Variants in USP6 observed in about 807,000 individuals in gnomAD.
USP6 encodes the protein ubiquitin specific peptidase 6.
In USP6, 128 loss-of-function variants were observed where a neutral mutation model predicts 175.7. That is an observed-to-expected ratio of 0.73 (90% CI 0.63 to 0.84). The LOEUF (loss-of-function observed/expected upper bound fraction) is 0.84. Ranked by LOEUF, USP6 falls within the 40% of genes least tolerant of loss-of-function variation. The pLI, the probability that USP6 is intolerant of heterozygous loss-of-function variation, is 0.00. For missense variants in USP6, 1,498 were observed against 1,760.3 expected (o/e 0.85, Z 2.67); for synonymous variants, 562 against 630.6 (o/e 0.89, Z 1.63).
At chr17:5,136,501 G>A in intron 17 of USP6, 139 bp from the exon 18 acceptor site, 1 of 1,161,102 alleles carries the variant, frequency 8.6e-7, no homozygotes, top group South Asian at 1.4e-5. Context: ...CAGGGCAAAG[G>A]CCGCATGGTA....
intron 20 of USP6, 92 bp from the exon 21 acceptor site, chr17:5,138,029 C>T: frequency 1.2e-6 from 2 of 1,601,302 alleles, no homozygotes; most frequent in Non-Finnish European, 1.7e-6. Flanking sequence ...AAGGATTCGG[C>T]ACCGCCCAGT....
intron 31 of USP6, among the ~76,000 whole-genome samples, chr17:5,156,410 C>T (rs1402216488): frequency 2.0e-5 from 3 of 151,924 alleles, no homozygotes; most frequent in Non-Finnish European, 2.9e-5. Flanking sequence ...CGGGTTCAAA[C>T]GATTCTCCTG....
chr17:5,169,638 C>T (rs1180196283), intron 35 of USP6, among the ~76,000 whole-genome samples: 3 of 151,952 alleles, frequency 2.0e-5, no homozygotes, highest in African/African-American at 4.8e-5. Flanking sequence ...GATGGTGCTT[C>T]GCCATGTTTC....
In USP6 at chr17:5,132,978, G is replaced by A. The variant is rs2073124225; in HGVS notation, c.264G>A (p.Lys88=). ...TGCTGGGAGAATGGGAGACATATAAGCACAGTAGCAAAGTAATGTGTGGAG... is the reference window on the plus strand; with the variant it reads ...TGCTGGGAGAATGGGAGACATATAAACACAGTAGCAAAGTAATGTGTGGAG... ...MEMLGEWETY[K]HSSKLIDRVY... is the part of the protein sequence containing the mutation. Residue 88 remains lysine (K), a synonymous_variant, in exon 13 of 38, where the codon AAG becomes AAA. Coordinates refer to ENST00000574788, the MANE Select transcript of USP6 (RefSeq NM_001304284.2). The surrounding 1 kb of genome is among the most constrained non-coding windows in gnomAD (Gnocchi z 4.7). 1.9e-6 allele frequency: 3 copies of A among 1,614,042 alleles called. No homozygotes were observed. Among genetic ancestry groups the A allele is most frequent in the Non-Finnish European group, 1.7e-6 (2 of 1,180,020 alleles).
intron 25 of USP6, 114 bp from the exon 26 acceptor site, chr17:5,144,576 A>G: frequency 8.2e-7 from 1 of 1,213,494 alleles, no homozygotes; most frequent in Non-Finnish European, 1.1e-6. Flanking sequence ...ATGGAGGCAG[A>G]CTAAGTACTA....
At position 5,132,440 on chromosome 17, in the gene USP6, G is replaced by C. The variant is rs774593459; in HGVS notation, c.195+5G>C. 6.2e-7 allele frequency: 1 copy of C among 1,612,156 alleles called. No individual in the cohort carries two copies. ...GTGACTGCACGGGAGGCGAAGGTAA[G>C]AGCCTGATGCGTGGAGGGGCTGGTC... On this transcript the variant is annotated splice_donor_5th_base_variant and intron_variant, in intron 12 of 37. Transcript: ENST00000574788. The surrounding 1 kb of genome is among the most constrained non-coding windows in gnomAD (Gnocchi z 4.7).
Position 5,145,405 on chromosome 17 carries a change from GC to G in USP6, c.1995del (p.Trp666GlyfsTer5). On this transcript the variant is annotated frameshift_variant and splice_region_variant, in exon 27 of 38. Transcript: ENST00000574788. LOFTEE classifies it high-confidence loss of function. ...AAATTCTCATCTTTTTTATTGCTAGGCCTGGGACAACCATCTAAGAAGAAAT... is the reference window on the plus strand; with the variant it reads ...AAATTCTCATCTTTTTTATTGCTAGGCTGGGACAACCATCTAAGAAGAAAT... ...GRPDWEVAAE[A>X]WDNHLRRNRS... The G allele has an allele frequency of 6.3e-7, 1 of 1,592,486 alleles. No homozygotes were observed.
Position 5,170,553 on chromosome 17 carries a change from C to T in USP6, c.3592C>T (p.Arg1198Trp), listed in dbSNP as rs1555607405. ...SKNSSPNSSP[R>W]TLGRSKGRLR... ...AAACAGCAGCCCTAATAGCAGCCCA[C>T]GGACTTTGGGGAGGAGCAAAGGGAG... The change falls in exon 36 of 38, where the codon CGG becomes TGG. Residue 1198 changes from arginine (R) to tryptophan (W), a missense_variant. This residue lies in a region of USP6 where 1,217 missense variants were observed against 1,500.8 expected (regional missense o/e 0.81). Coordinates refer to ENST00000574788, the MANE Select transcript of USP6 (RefSeq NM_001304284.2). The T allele has an allele frequency of 1.8e-5, 29 of 1,611,806 alleles. No homozygotes were observed. In the South Asian group the frequency reaches 2.1e-4, roughly 12 times the overall value.
chr17:5,150,525 C>T (rs536101774), intron 30 of USP6, among the ~76,000 whole-genome samples: 4 of 147,932 alleles, frequency 2.7e-5, no homozygotes, highest in South Asian at 2.1e-4. Context: ...GACAGAGTCT[C>T]GCTCTGTCAC....
chr17:5,139,493 G>A lies in USP6; in HGVS notation c.1317G>A (p.Gln439=), dbSNP rs151119879. Residue 439 remains glutamine, a synonymous_variant, in exon 22 of 38, where the codon CAG becomes CAA. Coordinates refer to ENST00000574788, the MANE Select transcript of USP6 (RefSeq NM_001304284.2). ...GTGTGCCCAGCCTGGCCCTGGCTCA[G>A]GGAGGACCTCAGGGTTCCTGGAGAT... ...TQGVPSLALA[Q]GGPQGSWRFL... is the part of the protein sequence containing the mutation. 2.5e-6 allele frequency: 4 copies of A among 1,613,450 alleles called. No homozygotes were observed. In the African/African-American group the frequency reaches 5.3e-5, roughly 22 times the overall value.
At chr17:5,144,921 A>G in intron 26 of USP6, 58 bp downstream of exon 26, 3 of 1,511,112 alleles carry the variant, frequency 2.0e-6, no homozygotes, top group East Asian at 4.7e-5. Flanking sequence ...GACCACAAAT[A>G]CATGTAGCAC....
In USP6 at chr17:5,170,781, C is replaced by A. The variant is rs2074199506; in HGVS notation, c.3820C>A (p.His1274Asn). Residue 1274 changes from histidine to asparagine, a missense_variant, in exon 36 of 38, where the codon CAT becomes AAT. His to Asn is a moderately conservative substitution (Grantham distance 68). Around this residue, in one of 2 missense-constraint regions of USP6, gnomAD observed 1,217 missense variants for 1,500.8 expected, o/e 0.81. Coordinates refer to ENST00000574788, the MANE Select transcript of USP6 (RefSeq NM_001304284.2). Reference protein sequence around the residue: ...VALANGFLYEHEACGNGCGDG... With the variant: ...VALANGFLYENEACGNGCGDG... ...TTTGGCCAATGGATTCCTTTATGAG[C>A]ATGAAGCATGTGGCAATGGCTGTGG... is the stretch of plus-strand genomic sequence containing the variant. The A allele has an allele frequency of 8.7e-6, 14 of 1,613,782 alleles. No individual in the cohort carries two copies. The highest frequency in any genetic ancestry group is 1.3e-5 in the African/African-American group (1 of 74,888).
At chr17:5,145,954 T>G (rs906602503) in intron 27 of USP6, 69 bp from the exon 28 acceptor site, 2 of 1,484,780 alleles carry the variant, frequency 1.3e-6, no homozygotes, top group African/African-American at 2.8e-5. Flanking sequence ...CAGATATATC[T>G]GTACACAGCA....
intron 17 of USP6, among the ~76,000 whole-genome samples, chr17:5,136,143 A>G (rs1311193032): frequency 6.6e-6 from 1 of 152,118 alleles, no homozygotes; most frequent in Non-Finnish European, 1.5e-5. Flanking sequence ...AGGGCATCTC[A>G]TCCTCCCCAT....
chr17:5,137,516 A>G (rs1236540136), intron 19 of USP6, 135 bp from the exon 20 acceptor site: 5 of 911,050 alleles, frequency 5.5e-6, no homozygotes, highest in Non-Finnish European at 8.4e-6. Flanking sequence ...TTTCTGACTC[A>G]GCATTCTGGA....
At chr17:5,137,574 A>G in intron 19 of USP6, 77 bp from the exon 20 acceptor site, 2 of 1,412,588 alleles carry the variant, frequency 1.4e-6, no homozygotes, top group South Asian at 2.4e-5. Flanking sequence ...TGGAGACTGA[A>G]GCCCCAGTGT....
chr17:5,172,939 CTCTGAG>C lies in USP6; in HGVS notation c.4188_4193del (p.Glu1396_Ser1397del). ...CAGACACAAGCAGTACGGATGAAGACTCTGAGTCTGATTACGAAAAGTACTCTATGT... is the reference window on the plus strand; with the variant it reads ...CAGACACAAGCAGTACGGATGAAGACTCTGATTACGAAAAGTACTCTATGT... On this transcript the variant is annotated inframe_deletion, in exon 38 of 38. Coordinates refer to ENST00000574788, the MANE Select transcript of USP6 (RefSeq NM_001304284.2). 6.2e-7 allele frequency: 1 copy of C among 1,613,934 alleles called. No homozygotes were observed. Among genetic ancestry groups the C allele is most frequent in the Non-Finnish European group, 8.5e-7 (1 of 1,179,850 alleles).
intron 7 of USP6, among the ~76,000 whole-genome samples, chr17:5,128,203 T>TGTG (rs1001232033): frequency 2.0e-5 from 3 of 152,298 alleles, no homozygotes; most frequent in African/African-American, 7.2e-5. Context: ...CCCTAGGCCC[T>TGTG]GGGTGGGACA....
chr17:5,155,707 T>C, intron 31 of USP6, 101 bp downstream of exon 31: 1 of 1,139,512 alleles, frequency 8.8e-7, no homozygotes, highest in Non-Finnish European at 1.2e-6. Flanking sequence ...ATGTCAAGTT[T>C]GGCGCCCAGC....
Sources: allele counts gnomAD v4.1 joint callset (sites outside exome capture counted in the v4.1 genomes callset), GRCh38; gene constraint gnomAD v4.1.1; regional missense constraint gnomAD v4.1.1; non-coding constraint Gnocchi (gnomAD v3.1); transcripts MANE v1.5; gene names NCBI Gene and HGNC (gene_info 2026-07-23, HGNC 2026-07-21).